Variants in FBN2 observed in about 807,000 individuals in gnomAD.
The protein encoded by FBN2 is fibrillin-2.
A neutral mutation model predicts 355.6 loss-of-function variants in FBN2; 105 were observed. The ratio of observed to expected loss-of-function variants is 0.30; its 90% confidence interval spans 0.25 to 0.35. The LOEUF (loss-of-function observed/expected upper bound fraction) is 0.35, where lower values mean the gene tolerates loss of function less well. Ranked by LOEUF, FBN2 falls within the 10% of genes least tolerant of loss-of-function variation. FBN2 has a pLI of 1.00. For missense variants in FBN2, 3,280 were observed against 3,758.7 expected (o/e 0.87, Z 3.33); for synonymous variants, 1,350 against 1,301.2 (o/e 1.04, Z -0.81).
At chr5:128,435,226 C>T (rs1218207903) in intron 7 of FBN2, among the ~76,000 whole-genome samples, 1 of 152,042 alleles carries the variant, frequency 6.6e-6, no homozygotes, top group East Asian at 1.9e-4. Flanking sequence ...AGGCTGAGAC[C>T]AGTCAGGAAT....
chr5:128,528,119 A>C, intron 3 of FBN2, 152 bp from the exon 4 acceptor site: 2 of 664,206 alleles, frequency 3.0e-6, no homozygotes, highest in Non-Finnish European at 5.5e-6. Flanking sequence ...ATTTTTATTC[A>C]TCATTTCTTT....
intron 61 of FBN2, among the ~76,000 whole-genome samples, chr5:128,272,463 C>CATATATATATATATATATATAT (rs3083327): frequency 1.4e-5 from 2 of 139,818 alleles, no homozygotes; most frequent in African/African-American, 5.3e-5. Flanking sequence ...TTTGGTAAAT[C>CATATATATATATATATATATAT]ATATATATAT....
intron 23 of FBN2, among the ~76,000 whole-genome samples, chr5:128,345,806 C>G (rs141388275): frequency 1.2e-3 from 188 of 152,274 alleles, no homozygotes; most frequent in African/African-American, 4.3e-3. Flanking sequence ...AAGAAACCCT[C>G]AGGAAGAAAA....
At chr5:128,514,799 T>C (rs554375177) in intron 5 of FBN2, among the ~76,000 whole-genome samples, 3 of 152,348 alleles carry the variant, frequency 2.0e-5, no homozygotes, top group Admixed American at 6.5e-5. Context: ...TCGTCTTTCA[T>C]CTTGTTTTAT....
intron 5 of FBN2, among the ~76,000 whole-genome samples, chr5:128,486,784 C>T (rs984766718): frequency 6.6e-6 from 1 of 152,128 alleles, no homozygotes; most frequent in Non-Finnish European, 1.5e-5. Flanking sequence ...CCCCCCACCT[C>T]ATGACAGGTG....
intron 16 of FBN2, among the ~76,000 whole-genome samples, chr5:128,368,428 A>ATGTG (rs550440840): frequency 0.076 from 10,791 of 142,346 alleles, 509 homozygotes; most frequent in Non-Finnish European, 0.091. Flanking sequence ...GTGTATATAT[A>ATGTG]TATATACACA....
intron 4 of FBN2, among the ~76,000 whole-genome samples, chr5:128,526,223 TATTA>T (rs1561498778): frequency 6.6e-6 from 1 of 152,066 alleles, no homozygotes; most frequent in Non-Finnish European, 1.5e-5. Flanking sequence ...GCATGATTAT[TATTA>T]TTTAAGAAAA....
rs1751281242 is a variant in FBN2 at position 128,349,330 on chromosome 5, G to A, written c.2989+17C>T. The A allele has an allele frequency of 6.2e-7, 1 of 1,613,912 alleles. No individual in the cohort carries two copies. The stretch of plus-strand genomic sequence containing the variant: ...GGCTTGTTTTATACATAGAATACAT[G>A]AGGGTGTGAATCTTACCCAAACATA... On this transcript the variant is annotated intron_variant, in intron 23 of 64. Coordinates refer to ENST00000262464, the MANE Select transcript of FBN2 (RefSeq NM_001999.4).
chr5:128,401,394 A>G (rs1231816836), intron 8 of FBN2, among the ~76,000 whole-genome samples: 1 of 152,158 alleles, frequency 6.6e-6, no homozygotes, highest in Admixed American at 6.5e-5. Flanking sequence ...ATCCAAGAAC[A>G]TTTTCATTAT....
At chr5:128,332,792 C>T in intron 32 of FBN2, 120 bp downstream of exon 32, 2 of 1,038,030 alleles carry the variant, frequency 1.9e-6, no homozygotes, top group Non-Finnish European at 3.0e-6. Flanking sequence ...TATCTTGCAA[C>T]TAAGATAACC....
At chr5:128,309,744 A>G (rs2126843433) in intron 40 of FBN2, among the ~76,000 whole-genome samples, 1 of 152,278 alleles carries the variant, frequency 6.6e-6, no homozygotes, top group Middle Eastern at 3.4e-3. Flanking sequence ...GGAGATGAAA[A>G]ATTTAAGAAT....
At chr5:128,278,176 G>A (rs376153116) in intron 57 of FBN2, among the ~76,000 whole-genome samples, 171 bp from the exon 58 acceptor site, 23 of 152,252 alleles carry the variant, frequency 1.5e-4, no homozygotes, top group African/African-American at 5.1e-4. Flanking sequence ...TGGATGTGAT[G>A]GAAAAATAAT....
At chr5:128,321,726 T>G (rs1002674799) in intron 34 of FBN2, among the ~76,000 whole-genome samples, 4 of 152,228 alleles carry the variant, frequency 2.6e-5, no homozygotes, top group Non-Finnish European at 5.9e-5. Context: ...AGGTCTTTGC[T>G]ATTATGAACA....
At chr5:128,302,614 T>G (rs1749749749) in intron 46 of FBN2, among the ~76,000 whole-genome samples, 1 of 152,212 alleles carries the variant, frequency 6.6e-6, no homozygotes, top group Non-Finnish European at 1.5e-5. Flanking sequence ...TGGATTTAAA[T>G]GAAATACTTG....
intron 11 of FBN2, among the ~76,000 whole-genome samples, chr5:128,380,874 C>A (rs17608902): frequency 0.064 from 9,665 of 151,990 alleles, 403 homozygotes; most frequent in Non-Finnish European, 0.088. Flanking sequence ...ACGTTCTGTA[C>A]ATTTTGACTT....
rs543990504 is a variant in FBN2 at position 128,394,653 on chromosome 5, T to C, written c.1231+469A>G. ...AAACAGCTTTCAGGTATTTGTCTGA[T>C]GTTACTAAATTAGATATTATCAAAA... On this transcript the variant is annotated intron_variant, in intron 9 of 64. Transcript: ENST00000262464. Among the ~76,000 whole-genome samples, 136 of 152,330 alleles carry C rather than the reference T, an allele frequency of 8.9e-4. 2 individuals are homozygous for C. Among genetic ancestry groups the C allele is most frequent in the East Asian group, 7.7e-4 (4 of 5,190 alleles).
chr5:128,478,463 G>A (rs1296231871), intron 5 of FBN2, among the ~76,000 whole-genome samples: 1 of 152,114 alleles, frequency 6.6e-6, no homozygotes, highest in East Asian at 1.9e-4. Context: ...TGTTTGATCT[G>A]ATTATGTGAT....
In FBN2 at chr5:128,311,423, T is replaced by C. The variant is rs765442038; in HGVS notation, c.4951A>G (p.Ile1651Val). ...PNPITIILEDIDECQELPGLC... is the reference protein window; with the variant it reads ...PNPITIILEDVDECQELPGLC... ...CCTGGTAACTCCTGGCATTCGTCAA[T>C]GTCTACAAAAAGGGAGACAGTGCAC... Residue 1651 changes from isoleucine to valine, a missense_variant and splice_region_variant, in exon 39 of 65, where the codon ATT becomes GTT. Physicochemically the swap from Ile to Val is conservative, Grantham distance 29. This residue lies in a region of FBN2 where 2,284 missense variants were observed against 2,749.5 expected (regional missense o/e 0.83). Coordinates refer to ENST00000262464, the MANE Select transcript of FBN2 (RefSeq NM_001999.4). The C allele has an allele frequency of 1.2e-5, 19 of 1,614,088 alleles. No individual in the cohort carries two copies. The Admixed American group carries it at 2.8e-4, about 24-fold the overall frequency.
intron 11 of FBN2, among the ~76,000 whole-genome samples, chr5:128,381,619 T>A (rs1168995540): frequency 2.0e-5 from 3 of 152,150 alleles, no homozygotes; most frequent in African/African-American, 7.2e-5. Flanking sequence ...TTAAAACTCA[T>A]TTTCTGAAAA....
Sources: gnomAD v4.1 joint callset for allele counts (sites outside exome capture counted in the v4.1 genomes callset) on GRCh38, gnomAD v4.1.1 for gene constraint, gnomAD v4.1.1 regional missense constraint, MANE v1.5 for transcripts, NCBI Gene and HGNC (gene_info 2026-07-23, HGNC 2026-07-21) for gene names.